The following SEC63 variants were observed in gnomAD, a reference collection of about 807,000 sequenced individuals.
SEC63 encodes the protein SEC63 protein translocation regulator.
A neutral mutation model predicts 116.2 loss-of-function variants in SEC63; 56 were observed. That is an observed-to-expected ratio of 0.48 (90% CI 0.39 to 0.60). SEC63 has a LOEUF of 0.60. Among genes scored for constraint, SEC63 ranks in the 20% least tolerant of loss-of-function variants. SEC63 has a pLI of 0.00. For missense variants in SEC63, 668 were observed against 900.0 expected (o/e 0.74, Z 3.30); for synonymous variants, 273 against 294.6 (o/e 0.93, Z 0.75).
chr6:107,939,216 G>A (rs972751223), intron 1 of SEC63, among the ~76,000 whole-genome samples: 4 of 152,098 alleles, frequency 2.6e-5, no homozygotes, highest in Non-Finnish European at 4.4e-5. Context: ...CCAGCAGTTC[G>A]AGGCTGTAGT....
intron 1 of SEC63, among the ~76,000 whole-genome samples, chr6:107,933,970 G>A (rs1005688824): frequency 6.6e-6 from 1 of 152,266 alleles, no homozygotes; most frequent in African/African-American, 2.4e-5. Context: ...TGATCCGCCA[G>A]CCTCGGCCTC....
Position 107,868,638 on chromosome 6 carries a change from A to G in SEC63, c.*3066T>C, listed in dbSNP as rs1431894573. ...CCAGCAAAATAAACAGCTAGCCCCTAAAGAAATAATTCTTCTGCCTACAGT... is the reference window on the plus strand; with the variant it reads ...CCAGCAAAATAAACAGCTAGCCCCTGAAGAAATAATTCTTCTGCCTACAGT... On this transcript the variant is annotated 3_prime_UTR_variant, in exon 21 of 21. Coordinates refer to ENST00000369002, the MANE Select transcript of SEC63 (RefSeq NM_007214.5). 2 of 152,078 alleles carry G rather than the reference A, an allele frequency of 1.3e-5. No individual in the cohort carries two copies. Among genetic ancestry groups the G allele is most frequent in the Non-Finnish European group, 2.9e-5 (2 of 67,992 alleles). 9.4% of individuals were successfully genotyped at this position (152,078 alleles called of 1,614,324 possible). A position where few individuals can be genotyped will look rare whatever the true frequency, so the allele number is the denominator to read the frequency against.
At chr6:107,876,707 A>C in intron 18 of SEC63, 45 bp from the exon 19 acceptor site, 3 of 1,263,602 alleles carry the variant, frequency 2.4e-6, no homozygotes, top group Non-Finnish European at 3.4e-6. Context: ...GGTATAAATA[A>C]TCAGAAAGAA....
chr6:107,936,250 C>T (rs1039673334), intron 1 of SEC63, among the ~76,000 whole-genome samples: 2 of 152,192 alleles, frequency 1.3e-5, no homozygotes, highest in Admixed American at 1.3e-4. Flanking sequence ...AAAATTAAAT[C>T]TTAACCTTTT....
In SEC63 at chr6:107,901,363, C is replaced by T. The variant is rs767862472; in HGVS notation, c.1357+7G>A. The T allele has an allele frequency of 1.2e-6, 2 of 1,611,910 alleles. No homozygotes were observed. Among genetic ancestry groups the T allele is most frequent in the Non-Finnish European group, 8.5e-7 (1 of 1,179,336 alleles). ...AGCAATGCTCAACAGAGAAACCTCC[C>T]ACTTACCCTGTGATTTTATATCCAT... On this transcript the variant is annotated splice_region_variant and intron_variant, in intron 13 of 20. Coordinates refer to ENST00000369002, the MANE Select transcript of SEC63 (RefSeq NM_007214.5).
chr6:107,910,911 G>T (rs751745062), intron 7 of SEC63, among the ~76,000 whole-genome samples: 14 of 151,866 alleles, frequency 9.2e-5, no homozygotes, highest in Non-Finnish European at 1.6e-4. Context: ...GTAAAGACAG[G>T]GTTTCACCAT....
At position 107,947,793 on chromosome 6, in the gene SEC63, G is replaced by T. The variant is rs561645032; in HGVS notation, c.124+10093C>A. On this transcript the variant is annotated intron_variant, in intron 1 of 20. Coordinates refer to ENST00000369002, the MANE Select transcript of SEC63 (RefSeq NM_007214.5). ...CTTTCTAATCTGACCACCTGTCACT[G>T]GAAAGAGCCTCTGAAATGGACACCC... Among the ~76,000 whole-genome samples the T allele has an allele frequency of 1.2e-3, 185 of 152,080 alleles. 1 individual carries two copies. The highest frequency in any genetic ancestry group is 1.8e-3 in the Non-Finnish European group (124 of 67,970).
intron 16 of SEC63, among the ~76,000 whole-genome samples, chr6:107,890,132 T>G (rs1349292405): frequency 6.6e-6 from 1 of 152,178 alleles, no homozygotes; most frequent in African/African-American, 2.4e-5. Flanking sequence ...GTCCTGGATA[T>G]CCTTGTTAAT....
At chr6:107,896,333 A>G (rs12110594) in intron 14 of SEC63, among the ~76,000 whole-genome samples, 7,154 of 151,812 alleles carry the variant, frequency 0.047, 574 homozygotes, top group African/African-American at 0.17. Flanking sequence ...GCGTGGTGGC[A>G]CATGCCTGTA....
intron 10 of SEC63, 133 bp from the exon 11 acceptor site, chr6:107,904,854 A>C (rs1340330475): frequency 9.3e-6 from 7 of 750,164 alleles, no homozygotes; most frequent in Non-Finnish European, 1.6e-5. Context: ...TTACAGATTG[A>C]ATGGAAGAGT....
In SEC63 at chr6:107,904,521, G is replaced by C. The variant is rs1787096564; in HGVS notation, c.1054+108C>G. 3 of 818,608 alleles carry C rather than the reference G, an allele frequency of 3.7e-6. No individual in the cohort carries two copies. In the South Asian group the frequency reaches 4.2e-5, roughly 11 times the overall value. 50.7% of individuals were successfully genotyped at this position (818,608 alleles called of 1,614,324 possible). ...ATGAGTAAAATTGAAGAAGCTCACT[G>C]AACTGGCCGACAGAAGTCTGAGTAC... On this transcript the variant is annotated intron_variant, in intron 11 of 20. Coordinates refer to ENST00000369002, the MANE Select transcript of SEC63 (RefSeq NM_007214.5).
intron 1 of SEC63, among the ~76,000 whole-genome samples, chr6:107,937,314 T>C (rs1422409791): frequency 1.3e-5 from 2 of 152,106 alleles, no homozygotes; most frequent in East Asian, 1.9e-4. Flanking sequence ...TTAGTAGAGA[T>C]AGGGTTTCTC....
chr6:107,900,903 T>C (rs1358085607), intron 13 of SEC63, among the ~76,000 whole-genome samples: 1 of 151,772 alleles, frequency 6.6e-6, no homozygotes, highest in African/African-American at 2.4e-5. Context: ...TCAAAGAAAA[T>C]ATAGAGGTAG....
intron 4 of SEC63, among the ~76,000 whole-genome samples, chr6:107,918,739 C>G (rs1787475398): frequency 6.6e-6 from 1 of 151,180 alleles, no homozygotes; most frequent in Non-Finnish European, 1.5e-5. Flanking sequence ...CTTTGTAAAG[C>G]TATAGCTGCT....
rs1264248328 is a variant in SEC63, at chr6:107,945,027, G to A, written c.124+12859C>T. The stretch of plus-strand genomic sequence containing the variant: ...ATCCCGGCTAAAACGGTGAAACCCC[G>A]TCTCTACTAAAAATACAAAAAATTA... On this transcript the variant is annotated intron_variant, in intron 1 of 20. Coordinates refer to ENST00000369002, the MANE Select transcript of SEC63 (RefSeq NM_007214.5). Among the ~76,000 whole-genome samples, 2 of 3,540 alleles carry A rather than the reference G, an allele frequency of 5.6e-4. 1 individual carries two copies. 2.3% of individuals were successfully genotyped at this position (3,540 alleles called of 152,430 possible).
intron 17 of SEC63, 40 bp downstream of exon 17, chr6:107,882,948 A>T: frequency 7.5e-7 from 1 of 1,332,524 alleles, no homozygotes; most frequent in Non-Finnish European, 1.1e-6. Flanking sequence ...TCAGAGATAT[A>T]ATTCCAATTA....
chr6:107,887,956 C>T (rs1285564306), intron 16 of SEC63, among the ~76,000 whole-genome samples: 1 of 152,136 alleles, frequency 6.6e-6, no homozygotes, highest in East Asian at 1.9e-4. Context: ...GTCTATATAT[C>T]TGTTTTGGTA....
At chr6:107,953,755 G>GC (rs1167644856) in intron 1 of SEC63, among the ~76,000 whole-genome samples, 2 of 61,638 alleles carry the variant, frequency 3.2e-5, no homozygotes, top group African/African-American at 5.6e-5. Flanking sequence ...GGGGGGTTCA[G>GC]CCCCCCGCCC....
chr6:107,938,035 T>C (rs1049599057), intron 1 of SEC63, among the ~76,000 whole-genome samples: 9 of 152,092 alleles, frequency 5.9e-5, no homozygotes, highest in Admixed American at 5.9e-4. Flanking sequence ...TTAGTTTAAT[T>C]AGATCCATTT....
Sources: allele counts gnomAD v4.1 joint callset (sites outside exome capture counted in the v4.1 genomes callset), GRCh38; gene constraint gnomAD v4.1.1; transcripts MANE v1.5; gene names NCBI Gene and HGNC (gene_info 2026-07-23, HGNC 2026-07-21).